The following LYPLA1 variants were observed in gnomAD, a reference collection of about 807,000 sequenced individuals.
The protein encoded by LYPLA1 is lysophospholipase 1, also known as acyl-protein thioesterase 1.
LYPLA1 carries 17 observed loss-of-function variants against 34.0 expected under a neutral mutation model. The ratio of observed to expected loss-of-function variants is 0.50; its 90% CI spans 0.34 to 0.75. The LOEUF is 0.75. LYPLA1 is among the 30% of genes least tolerant of loss of function. LYPLA1 has a pLI of 0.01. For synonymous variants in LYPLA1, 98 were observed against 100.8 expected (o/e 0.97, Z 0.17); for missense variants, 203 against 288.8 (o/e 0.70, Z 2.15).
chr8:54,068,969 CAAAA>C (rs1044451379), intron 2 of LYPLA1, among the ~76,000 whole-genome samples: 6 of 151,986 alleles, frequency 3.9e-5, no homozygotes, highest in Non-Finnish European at 7.4e-5. Context: ...AACTCACAAA[CAAAA>C]AGACAACCCA....
intron 2 of LYPLA1, among the ~76,000 whole-genome samples, chr8:54,079,931 T>A (rs1325129493): frequency 6.6e-6 from 1 of 152,212 alleles, no homozygotes. Context: ...GCTTTTTCTA[T>A]TTCTATTTCA....
intron 3 of LYPLA1, among the ~76,000 whole-genome samples, chr8:54,064,777 TG>T (rs1806926893): frequency 6.6e-6 from 1 of 152,136 alleles, no homozygotes. Context: ...TGGGCTACAT[TG>T]GAAGAAGAAT....
At chr8:54,056,041 A>T (rs1274640893) in intron 5 of LYPLA1, among the ~76,000 whole-genome samples, 2 of 152,202 alleles carry the variant, frequency 1.3e-5, no homozygotes, top group Non-Finnish European at 2.9e-5. Flanking sequence ...ACTTCAAATT[A>T]TACTACAGAG....
At chr8:54,072,059 T>C (rs530755072) in intron 2 of LYPLA1, among the ~76,000 whole-genome samples, 102 of 151,968 alleles carry the variant, frequency 6.7e-4, no homozygotes, top group African/African-American at 2.3e-3. Context: ...TCAAACAGAA[T>C]AGACAGCACA....
intron 3 of LYPLA1, among the ~76,000 whole-genome samples, chr8:54,064,136 C>T (rs899284187): frequency 4.6e-5 from 2 of 43,370 alleles, no homozygotes; most frequent in African/African-American, 1.9e-4. Context: ...AATTCTGGGC[C>T]GGGCGGGGTG....
intron 2 of LYPLA1, among the ~76,000 whole-genome samples, chr8:54,082,482 G>T (rs1352758266): frequency 6.6e-6 from 1 of 152,034 alleles, no homozygotes; most frequent in Admixed American, 6.6e-5. Flanking sequence ...TACAGTTTTA[G>T]AATGTACTTT....
At chr8:54,067,129 A>G (rs1165275114) in intron 2 of LYPLA1, among the ~76,000 whole-genome samples, 2 of 152,086 alleles carry the variant, frequency 1.3e-5, no homozygotes, top group Admixed American at 1.3e-4. Flanking sequence ...AGACTAGACC[A>G]CTGCACCCCA....
At chr8:54,045,629 A>G (rs1328118994), downstream of LYPLA1, 1 of 152,264 alleles carries the variant, frequency 6.6e-6, no homozygotes, top group Non-Finnish European at 1.5e-5. Context: ...ATCCAAAAGC[A>G]GAAAGCGAAG....
intron 5 of LYPLA1, among the ~76,000 whole-genome samples, chr8:54,058,589 A>G (rs1252471479): frequency 6.6e-6 from 1 of 151,672 alleles, no homozygotes; most frequent in Non-Finnish European, 1.5e-5. Flanking sequence ...TTGCTCGCTC[A>G]CACTCTCTCT....
chr8:54,070,471 C>A (rs1807379071), intron 2 of LYPLA1, among the ~76,000 whole-genome samples: 1 of 152,108 alleles, frequency 6.6e-6, no homozygotes, highest in African/African-American at 2.4e-5. Flanking sequence ...TACGGTAATC[C>A]CAGCACTTTG....
chr8:54,087,916 G>A (rs1380123097), intron 2 of LYPLA1, among the ~76,000 whole-genome samples: 1 of 152,182 alleles, frequency 6.6e-6, no homozygotes, highest in Non-Finnish European at 1.5e-5. Flanking sequence ...TTTATAATCT[G>A]ACAAGTCCAC....
In LYPLA1 at chr8:54,046,877, T is replaced by C. The variant is rs552232196; in HGVS notation, c.*1188A>G. The C allele has an allele frequency of 3.3e-5, 5 of 152,294 alleles. No homozygotes were observed. The South Asian group carries it at 1.0e-3, about 32-fold the overall frequency. 9.4% of individuals were successfully genotyped at this position (152,294 alleles called of 1,614,324 possible). ...TTTGACAATTTAAAATGATTGCTAT[T>C]TTTATGTCTGCATCAAAAACTAATA... On this transcript the variant is annotated 3_prime_UTR_variant, in exon 9 of 9. Coordinates refer to ENST00000316963, the MANE Select transcript of LYPLA1 (RefSeq NM_006330.4).
intron 2 of LYPLA1, among the ~76,000 whole-genome samples, chr8:54,080,440 T>C (rs1239662653): frequency 6.6e-6 from 1 of 152,236 alleles, no homozygotes; most frequent in Non-Finnish European, 1.5e-5. Context: ...AAAACATTAC[T>C]ACATATAATA....
chr8:54,084,835 C>T (rs1012454338), intron 2 of LYPLA1, among the ~76,000 whole-genome samples: 2 of 152,118 alleles, frequency 1.3e-5, no homozygotes, highest in African/African-American at 4.8e-5. Context: ...CTACCAAAAA[C>T]GGATTCAAGA....
chr8:54,073,666 C>A (rs144394806), intron 2 of LYPLA1: 20 of 401,070 alleles, frequency 5.0e-5, no homozygotes, highest in South Asian at 4.5e-4. Flanking sequence ...AGAAAGATGA[C>A]CATTTGTTAG....
At chr8:54,054,984 T>A (rs1806106483) in intron 6 of LYPLA1, 76 bp downstream of exon 6, 1 of 868,986 alleles carries the variant, frequency 1.2e-6, no homozygotes, top group Non-Finnish European at 1.9e-6. Context: ...AAGACTACTC[T>A]ATAGAAAGGA....
chr8:54,072,565 G>A (rs1205006833), intron 2 of LYPLA1, among the ~76,000 whole-genome samples: 2 of 151,970 alleles, frequency 1.3e-5, no homozygotes, highest in African/African-American at 4.8e-5. Context: ...CTGTTCTGTG[G>A]TGTAGCCATT....
At chr8:54,078,340 A>G (rs1164559255) in intron 2 of LYPLA1, among the ~76,000 whole-genome samples, 1 of 152,206 alleles carries the variant, frequency 6.6e-6, no homozygotes, top group Non-Finnish European at 1.5e-5. Flanking sequence ...AATCCAACTC[A>G]AAAAAGTTCT....
chr8:54,050,989 G>A, intron 8 of LYPLA1, 23 bp downstream of exon 8: 1 of 1,567,252 alleles, frequency 6.4e-7, no homozygotes, highest in East Asian at 2.3e-5. Context: ...ATATGGCGCT[G>A]ATCACTGCTT....
Sources: gnomAD v4.1 joint callset for allele counts (sites outside exome capture counted in the v4.1 genomes callset) on GRCh38, gnomAD v4.1.1 for gene constraint, MANE v1.5 for transcripts, NCBI Gene and HGNC (gene_info 2026-07-23, HGNC 2026-07-21) for gene names.